The following NRG4 variants were observed in gnomAD, a reference collection of about 807,000 sequenced individuals.
NRG4 encodes neuregulin 4.
Under a neutral mutation model 15.0 loss-of-function variants are expected in NRG4, and 10 were observed. The ratio of observed to expected loss-of-function variants is 0.67; its 90% CI spans 0.41 to 1.13. The LOEUF is 1.13. Among genes scored for constraint, NRG4 ranks in the 50% most tolerant of loss-of-function variants. NRG4 has a pLI of 0.00. For synonymous variants in NRG4, 41 were observed against 50.1 expected, an observed-to-expected ratio of 0.82 and a Z score of 0.77; for missense variants, 139 against 140.2, an observed-to-expected ratio of 0.99 and a Z score of 0.04.
intron 3 of NRG4, chr15:75,971,165 C>A: frequency 2.3e-6 from 1 of 430,076 alleles, no homozygotes; most frequent in East Asian, 7.3e-5. Context: ...TGTTTGATTA[C>A]CTGTACATAT....
intron 3 of NRG4, among the ~76,000 whole-genome samples, chr15:75,995,915 GT>G (rs1164452171): frequency 6.6e-6 from 1 of 152,160 alleles, no homozygotes; most frequent in African/African-American, 2.4e-5. Flanking sequence ...ATGCATTACA[GT>G]TCTAAGTCAG....
intron 1 of NRG4, among the ~76,000 whole-genome samples, chr15:76,058,514 G>A (rs759925304): frequency 2.0e-5 from 3 of 152,178 alleles, no homozygotes; most frequent in Non-Finnish European, 4.4e-5. Flanking sequence ...AATTCCAAGA[G>A]GTGGTTTTGA....
At chr15:75,950,554 A>G (rs934298703) in intron 5 of NRG4, 5 of 242,658 alleles carry the variant, frequency 2.1e-5, no homozygotes. Context: ...TTACTGGTAC[A>G]AAGACTCAAT....
chr15:75,986,238 C>T (rs1251395321), intron 3 of NRG4, among the ~76,000 whole-genome samples: 1 of 152,152 alleles, frequency 6.6e-6, no homozygotes, highest in Non-Finnish European at 1.5e-5. Context: ...CTCTCATATA[C>T]AGCTGGTAAG....
At chr15:76,019,860 C>T (rs1351396248) in intron 5 of NRG4, among the ~76,000 whole-genome samples, 2 of 152,124 alleles carry the variant, frequency 1.3e-5, no homozygotes, top group African/African-American at 4.8e-5. Context: ...ATAGCTATAA[C>T]CATTATACAG....
At chr15:75,947,056 C>T (rs888189603) in intron 5 of NRG4, among the ~76,000 whole-genome samples, 4 of 152,154 alleles carry the variant, frequency 2.6e-5, no homozygotes, top group Admixed American at 1.3e-4. Context: ...GTTACAGGGG[C>T]GACCGTGCTG....
At chr15:76,053,938 G>A (rs548410628) in intron 2 of NRG4, among the ~76,000 whole-genome samples, 2 of 151,158 alleles carry the variant, frequency 1.3e-5, no homozygotes, top group South Asian at 2.1e-4. Flanking sequence ...ATTTTGGCAC[G>A]TGAACTGTGT....
chr15:75,973,846 T>TG (rs1330693619), intron 3 of NRG4, among the ~76,000 whole-genome samples: 7 of 152,220 alleles, frequency 4.6e-5, no homozygotes, highest in Non-Finnish European at 4.4e-5. Context: ...ATTGTGTCTC[T>TG]GCCAGGTTTT....
chr15:75,990,357 A>T (rs2033960919), intron 3 of NRG4, among the ~76,000 whole-genome samples: 1 of 152,050 alleles, frequency 6.6e-6, no homozygotes, highest in Non-Finnish European at 1.5e-5. Flanking sequence ...CGCTTGGTGC[A>T]CCCATCTCTC....
At chr15:75,998,636 A>T (rs1454982051) in intron 3 of NRG4, among the ~76,000 whole-genome samples, 1 of 152,230 alleles carries the variant, frequency 6.6e-6, no homozygotes, top group Non-Finnish European at 1.5e-5. Context: ...AGTGAGACAG[A>T]GAGTCACTGA....
In NRG4 at chr15:76,046,399, T is replaced by A. The variant is rs963834169; in HGVS notation, c.-105+5668A>T. 9.9e-5 allele frequency among the ~76,000 whole-genome samples: 15 copies of A among 150,944 alleles called. 1 individual carries two copies. Among genetic ancestry groups the A allele is most frequent in the African/African-American group, 3.5e-4 (14 of 40,514 alleles). ...CAAAGACCTGGAATAGACAAAGCAATCCTGAGCAAAAAGAACAAAGCTGAA... is the reference window on the plus strand; with the variant it reads ...CAAAGACCTGGAATAGACAAAGCAAACCTGAGCAAAAAGAACAAAGCTGAA... On this transcript the variant is annotated intron_variant, in intron 4 of 8. Coordinates refer to the NRG4 transcript ENST00000563910.
intron 3 of NRG4, among the ~76,000 whole-genome samples, chr15:75,997,319 C>G (rs1432779870): frequency 2.0e-5 from 3 of 152,044 alleles, no homozygotes; most frequent in South Asian, 4.1e-4. Context: ...TTCATCTCAT[C>G]ATCTTCTTAC....
At chr15:76,059,273 C>T (rs967565818) in intron 1 of NRG4, among the ~76,000 whole-genome samples, 4 of 152,220 alleles carry the variant, frequency 2.6e-5, no homozygotes, top group Non-Finnish European at 5.9e-5. Flanking sequence ...TTCTCCCAGG[C>T]AGCCAACTGA....
rs541714872 is a variant in NRG4 at position 76,035,751 on chromosome 15, C to T, written c.-57+193G>A. ...CTGAACCTACAGATTCTCTAAAATA[C>T]CCATGTTTGTTAACAACTGTTTCTA... On this transcript the variant is annotated intron_variant, in intron 5 of 8. Transcript: ENST00000563910. Among the ~76,000 whole-genome samples, 9 of 152,254 alleles carry T rather than the reference C, an allele frequency of 5.9e-5. No individual in the cohort carries two copies. The South Asian group carries it at 1.9e-3, about 32-fold the overall frequency.
intron 5 of NRG4, among the ~76,000 whole-genome samples, chr15:76,018,212 A>C (rs1180111648): frequency 6.6e-6 from 1 of 152,088 alleles, no homozygotes; most frequent in East Asian, 1.9e-4. Flanking sequence ...TGCTTATTCC[A>C]GTTAGTAATT....
chr15:75,946,343 C>T (rs2031503445), intron 5 of NRG4, among the ~76,000 whole-genome samples: 1 of 152,068 alleles, frequency 6.6e-6, no homozygotes, highest in African/African-American at 2.4e-5. Context: ...ATCTCCAGAA[C>T]TTTTTGTTTG....
At chr15:76,020,025 A>AC (rs1444968513) in intron 5 of NRG4, among the ~76,000 whole-genome samples, 18 of 152,056 alleles carry the variant, frequency 1.2e-4, no homozygotes, top group Non-Finnish European at 4.4e-5. Context: ...AATATTTCGA[A>AC]CTTTTTCATT....
At chr15:75,965,720 T>C (rs772745052) in intron 3 of NRG4, among the ~76,000 whole-genome samples, 20 of 152,362 alleles carry the variant, frequency 1.3e-4, no homozygotes, top group African/African-American at 4.8e-4. Flanking sequence ...ACTTCATTGA[T>C]GATACAATTA....
At chr15:75,974,355 CT>C (rs1421586369) in intron 3 of NRG4, among the ~76,000 whole-genome samples, 1 of 152,016 alleles carries the variant, frequency 6.6e-6, no homozygotes, top group East Asian at 1.9e-4. Context: ...TTTTTCGTGT[CT>C]CTATCTCTTT....
Sources: allele counts gnomAD v4.1 joint callset (sites outside exome capture counted in the v4.1 genomes callset), GRCh38; gene constraint gnomAD v4.1.1; transcripts MANE v1.5; gene names NCBI Gene and HGNC (gene_info 2026-07-23, HGNC 2026-07-21).